The following MSRA variants were observed in gnomAD, a reference collection of about 807,000 sequenced individuals.
MSRA encodes methionine sulfoxide reductase A, also known as mitochondrial peptide methionine sulfoxide reductase.
In MSRA, 54 loss-of-function variants were observed where a neutral mutation model predicts 31.3. The ratio of observed to expected loss-of-function variants is 1.73; its 90% confidence interval spans 1.39 to 2.17. The LOEUF is 2.17. Among genes scored for constraint, MSRA ranks in the 30% most tolerant of loss-of-function variants. MSRA has a pLI of 0.00. For missense variants in MSRA, 507 were observed against 300.9 expected, an observed-to-expected ratio of 1.69 and a Z score of -5.07; for synonymous variants, 169 against 116.5, an observed-to-expected ratio of 1.45 and a Z score of -2.90.
At chr8:10,296,750 A>G (rs552256528) in intron 3 of MSRA, among the ~76,000 whole-genome samples, 1 of 152,290 alleles carries the variant, frequency 6.6e-6, no homozygotes, top group Non-Finnish European at 1.5e-5. Flanking sequence ...GAGGAAAGGC[A>G]TGGCTCATTT....
intron 5 of MSRA, among the ~76,000 whole-genome samples, chr8:10,361,205 T>C (rs1468647690): frequency 1.3e-5 from 2 of 152,200 alleles, no homozygotes; most frequent in Non-Finnish European, 2.9e-5. Flanking sequence ...TAATGCCACC[T>C]TTCCCAAGAT....
intron 3 of MSRA, among the ~76,000 whole-genome samples, chr8:10,259,196 T>C (rs1274983560): frequency 6.6e-6 from 1 of 152,044 alleles, no homozygotes; most frequent in African/African-American, 2.4e-5. Context: ...TGAAAACAAA[T>C]GGACTTAGAT....
intron 1 of MSRA, among the ~76,000 whole-genome samples, chr8:10,094,169 T>A (rs1475238821): frequency 2.0e-5 from 3 of 152,354 alleles, no homozygotes; most frequent in East Asian, 3.9e-4. Flanking sequence ...ATTCAACACT[T>A]GTGATATCTC....
chr8:10,275,380 C>G (rs1799269226), intron 3 of MSRA, among the ~76,000 whole-genome samples: 1 of 152,186 alleles, frequency 6.6e-6, no homozygotes, highest in South Asian at 2.1e-4. Context: ...TAGTCCAAGC[C>G]TTGTGTAAGG....
At chr8:10,283,747 G>C (rs1422323141) in intron 3 of MSRA, among the ~76,000 whole-genome samples, 1 of 141,932 alleles carries the variant, frequency 7.0e-6, no homozygotes, top group Non-Finnish European at 1.5e-5. Context: ...GTCTCATCCA[G>C]GTTGCTGTGA....
intron 4 of MSRA, among the ~76,000 whole-genome samples, chr8:10,307,734 G>T (rs1016309571): frequency 6.6e-6 from 1 of 152,190 alleles, no homozygotes; most frequent in Non-Finnish European, 1.5e-5. Flanking sequence ...CTGTGGTCTG[G>T]AAACTGCTCC....
intron 1 of MSRA, among the ~76,000 whole-genome samples, chr8:10,090,307 G>C (rs1798792037): frequency 6.6e-6 from 1 of 152,180 alleles, no homozygotes; most frequent in Non-Finnish European, 1.5e-5. Context: ...AGCGATGTTT[G>C]GATGGAATCA....
intron 5 of MSRA, among the ~76,000 whole-genome samples, chr8:10,383,656 C>T (rs537937686): frequency 6.6e-6 from 1 of 152,222 alleles, no homozygotes; most frequent in Non-Finnish European, 1.5e-5. Flanking sequence ...GTACCTTATT[C>T]CAGGAAGCGG....
intron 3 of MSRA, among the ~76,000 whole-genome samples, chr8:10,246,912 T>G (rs146521149): frequency 3.2e-3 from 487 of 152,326 alleles, no homozygotes; most frequent in Middle Eastern, 0.01. Flanking sequence ...AGGTGTATCC[T>G]CTCAAGTCTT....
intron 1 of MSRA, among the ~76,000 whole-genome samples, chr8:10,122,360 T>G (rs1451598773): frequency 6.6e-6 from 1 of 152,170 alleles, no homozygotes; most frequent in Non-Finnish European, 1.5e-5. Flanking sequence ...GAGCTGAGTG[T>G]GGAAGCTGTC....
At chr8:10,406,369 C>T (rs1161158503) in intron 5 of MSRA, among the ~76,000 whole-genome samples, 1 of 152,224 alleles carries the variant, frequency 6.6e-6, no homozygotes, top group East Asian at 1.9e-4. Flanking sequence ...GCTACTTCTA[C>T]AAGATGATAT....
chr8:10,388,525 C>T (rs1806534126), intron 5 of MSRA, among the ~76,000 whole-genome samples: 1 of 152,134 alleles, frequency 6.6e-6, no homozygotes, highest in African/African-American at 2.4e-5. Context: ...TTCTGGTCTC[C>T]TGCGTGAGCT....
chr8:10,215,312 C>T (rs1315000216), intron 2 of MSRA, among the ~76,000 whole-genome samples: 1 of 152,196 alleles, frequency 6.6e-6, no homozygotes, highest in East Asian at 1.9e-4. Context: ...CAAGTTTCTT[C>T]CGCCTTCTTA....
intron 2 of MSRA, among the ~76,000 whole-genome samples, chr8:10,235,592 C>T (rs1475785412): frequency 6.6e-6 from 1 of 152,072 alleles, no homozygotes; most frequent in African/African-American, 2.4e-5. Flanking sequence ...ATCAGTGAAA[C>T]CCAAGGTTTG....
chr8:10,257,426 G>C (rs1196192389), intron 3 of MSRA, among the ~76,000 whole-genome samples: 1 of 152,112 alleles, frequency 6.6e-6, no homozygotes. Flanking sequence ...TATTTTTTGA[G>C]ATGGAGTTTC....
At chr8:10,401,887 T>C (rs1207448202) in intron 5 of MSRA, among the ~76,000 whole-genome samples, 2 of 151,828 alleles carry the variant, frequency 1.3e-5, no homozygotes, top group Non-Finnish European at 2.9e-5. Flanking sequence ...GGAATAGAGG[T>C]TCCCAGGGGC....
intron 3 of MSRA, among the ~76,000 whole-genome samples, chr8:10,247,811 A>C (rs972458739): frequency 3.9e-5 from 6 of 152,208 alleles, no homozygotes; most frequent in African/African-American, 1.4e-4. Context: ...AAAGGGAAAA[A>C]CAAAAAGGCA....
At chr8:10,213,170 T>C (rs911251837) in intron 2 of MSRA, among the ~76,000 whole-genome samples, 1 of 152,128 alleles carries the variant, frequency 6.6e-6, no homozygotes, top group Non-Finnish European at 1.5e-5. Flanking sequence ...CCATTAACGA[T>C]CCCCACCTTC....
chr8:10,326,615 C>T (rs1802376660), intron 5 of MSRA: 1 of 152,056 alleles, frequency 6.6e-6, no homozygotes, highest in South Asian at 2.1e-4. Context: ...AACCCTAACC[C>T]TAATACAACT....
Sources: gnomAD v4.1 joint callset for allele counts (sites outside exome capture counted in the v4.1 genomes callset) on GRCh38, gnomAD v4.1.1 for gene constraint, MANE v1.5 for transcripts, NCBI Gene and HGNC (gene_info 2026-07-23, HGNC 2026-07-21) for gene names.